TRIM43B: variants seen among roughly 807,000 people sequenced by gnomAD.
The protein encoded by TRIM43B is tripartite motif containing 43B.
A neutral mutation model predicts 27.0 loss-of-function variants in TRIM43B; 15 were observed. The observed-to-expected ratio is 0.55, with a 90% CI of 0.37 to 0.85. The LOEUF (loss-of-function observed/expected upper bound fraction) is 0.85, where lower values mean the gene tolerates loss of function less well. Among genes scored for constraint, TRIM43B ranks in the 40% least tolerant of loss-of-function variants. The pLI is 0.00. For missense variants in TRIM43B, 172 were observed against 289.8 expected (o/e 0.59, Z 2.95); for synonymous variants, 69 against 97.8 (o/e 0.71, Z 1.74).
rs370477305 is a variant in TRIM43B, at chr2:95,480,330, T to C, written c.713A>G (p.His238Arg). The change falls in exon 4 of 7, where the codon CAT (histidine) becomes CGT (arginine). Residue 238 changes from histidine (H) to arginine (R), a missense_variant. This residue lies in a region of TRIM43B where 31 missense variants were observed against 72.7 expected (regional missense o/e 0.43). Transcript: ENST00000639673. Reference sequence around the variant, plus strand: ...CTGGAGCAGCTCCACCTCTGGTTTATGACACATTTCCATTAGTTCCTGATA... The same window carrying C: ...CTGGAGCAGCTCCACCTCTGGTTTACGACACATTTCCATTAGTTCCTGATA... The C allele has an allele frequency of 3.5e-5, 56 of 1,609,432 alleles. 2 individuals are homozygous for C. The African/African-American group carries it at 6.6e-4, about 19-fold the overall frequency.
At chr2:95,481,252 C>A (rs532805649) in intron 3 of TRIM43B, among the ~76,000 whole-genome samples, 15 of 152,160 alleles carry the variant, frequency 9.9e-5, no homozygotes, top group Non-Finnish European at 1.6e-4. Context: ...CGATTTCTTC[C>A]CCCGGACAAT....
At chr2:95,482,544 T>G in exon 2 of TRIM43B, 1 of 1,611,888 alleles carries the variant, frequency 6.2e-7, no homozygotes. Context: ...TCGGTGATGG[T>G]TCCCTGCATG....
chr2:95,481,500 C>A (rs1662738804), intron 3 of TRIM43B, 95 bp downstream of exon 3: 2 of 932,770 alleles, frequency 2.1e-6, no homozygotes, highest in Non-Finnish European at 3.1e-6. Flanking sequence ...ATGACAAAAT[C>A]TGGCATATGA....
At chr2:95,484,475 CT>C in intron 1 of TRIM43B, 130 bp downstream of exon 1, 1 of 151,574 alleles carries the variant, frequency 6.6e-6, no homozygotes, top group Admixed American at 6.6e-5. Context: ...GAAATGGAGC[CT>C]TTTTAAAACT....
intron 1 of TRIM43B, among the ~76,000 whole-genome samples, chr2:95,483,540 C>T (rs1683575739): frequency 6.6e-6 from 1 of 151,716 alleles, no homozygotes; most frequent in Non-Finnish European, 1.5e-5. Context: ...CACTAGAGGC[C>T]GGGCACGGTG....
At chr2:95,482,594 G>C (rs1439489276) in exon 2 of TRIM43B, 3 of 1,613,392 alleles carry the variant, frequency 1.9e-6, no homozygotes, top group Non-Finnish European at 2.5e-6. Context: ...TCCCACGAAA[G>C]GCAGAGACAG....
chr2:95,484,124 A>G (rs1472254956), intron 1 of TRIM43B, among the ~76,000 whole-genome samples: 2 of 151,128 alleles, frequency 1.3e-5, no homozygotes, highest in Non-Finnish European at 2.9e-5. Context: ...TAATCCCAAC[A>G]CTTTCAGAGG....
intron 1 of TRIM43B, 128 bp from the exon 2 acceptor site, chr2:95,482,846 A>T: frequency 6.7e-7 from 1 of 1,500,342 alleles, no homozygotes; most frequent in African/African-American, 1.4e-5. Flanking sequence ...TTAATTTGCA[A>T]TGACAGAAAT....
At chr2:95,484,145 C>T (rs1683595607) in intron 1 of TRIM43B, among the ~76,000 whole-genome samples, 2 of 149,592 alleles carry the variant, frequency 1.3e-5, no homozygotes, top group African/African-American at 4.9e-5. Context: ...CCGAGGTGAA[C>T]GGATCACAAG....
At chr2:95,484,085 A>AG (rs1683591728) in intron 1 of TRIM43B, among the ~76,000 whole-genome samples, 1 of 150,132 alleles carries the variant, frequency 6.7e-6, no homozygotes, top group Admixed American at 6.6e-5. Flanking sequence ...AAAAAAAAAA[A>AG]AAAGGCCGGG....
In TRIM43B at chr2:95,481,709, T is replaced by A; in HGVS notation, c.412-19A>T. 6.2e-7 allele frequency: 1 copy of A among 1,608,178 alleles called. No individual in the cohort carries two copies. Among genetic ancestry groups the A allele is most frequent in the South Asian group, 1.1e-5 (1 of 89,594 alleles). Reference sequence around the variant, plus strand: ...GTTTCTCCTGCAAAAGAATTAAAGGTTGAACAGAAAGTCAAATACCAAAGA... The same window carrying A: ...GTTTCTCCTGCAAAAGAATTAAAGGATGAACAGAAAGTCAAATACCAAAGA... On this transcript the variant is annotated intron_variant, in intron 2 of 6. Transcript: ENST00000639673.
At position 95,481,592 on chromosome 2, in the gene TRIM43B, T is replaced by G; in HGVS notation, c.507+3A>C. On this transcript the variant is annotated splice_donor_region_variant and intron_variant, in intron 3 of 6. Transcript: ENST00000639673. ...TCAGGAGGACTCACGGTCTCATACT[T>G]ACCCTCAAGAGGAAGGCTGTTCTTC... The G allele has an allele frequency of 6.2e-7, 1 of 1,610,522 alleles. No individual in the cohort carries two copies. Among genetic ancestry groups the G allele is most frequent in the South Asian group, 1.1e-5 (1 of 90,278 alleles).
Position 95,484,068 on chromosome 2 carries a change from T to TAA in TRIM43B, c.-5+536_-5+537dup, listed in dbSNP as rs33962775. ...GTCTCTAAAAATACTTATATAAATT[T>TAA]AAAAAAAAAAAAAAAAAAAAGGCCG... On this transcript the variant is annotated intron_variant, in intron 1 of 6. Coordinates refer to ENST00000639673, the Ensembl canonical transcript of TRIM43B. 4.4e-3 allele frequency among the ~76,000 whole-genome samples: 473 copies of TAA among 108,374 alleles called. 4 individuals are homozygous for TAA. The highest frequency in any genetic ancestry group is 0.039 in the East Asian group (145 of 3,708). The allele number at this position is 108,374 out of a possible 152,430, so 71.1% of individuals were successfully genotyped here.
chr2:95,483,961 C>A (rs1318706861), intron 1 of TRIM43B, among the ~76,000 whole-genome samples: 2 of 150,990 alleles, frequency 1.3e-5, no homozygotes, highest in African/African-American at 4.9e-5. Context: ...GTAATCCCAG[C>A]ATTTTGGGAG....
In TRIM43B at chr2:95,482,735, A is replaced by T. The variant is rs780123167; in HGVS notation, c.-4-17T>A. On this transcript the variant is annotated splice_polypyrimidine_tract_variant and intron_variant, in intron 1 of 6. Coordinates refer to ENST00000639673, the Ensembl canonical transcript of TRIM43B. Reference sequence around the variant, plus strand: ...TCCATTTTCCTAAGGAAAGAAAACCACAGGAATTTAATCTTCTACCCTGGA... The same window carrying T: ...TCCATTTTCCTAAGGAAAGAAAACCTCAGGAATTTAATCTTCTACCCTGGA... 4.4e-6 allele frequency: 7 copies of T among 1,576,350 alleles called. No individual in the cohort carries two copies. The highest frequency in any genetic ancestry group is 5.1e-6 in the Non-Finnish European group (6 of 1,165,870).
At chr2:95,482,413 T>C in exon 2 of TRIM43B, 6 of 1,603,758 alleles carry the variant, frequency 3.7e-6, no homozygotes, top group Non-Finnish European at 4.3e-6. Context: ...ACAGAACATC[T>C]TCTTTGTTTG....
At chr2:95,483,833 C>G (rs199861244) in intron 1 of TRIM43B, among the ~76,000 whole-genome samples, 4 of 151,312 alleles carry the variant, frequency 2.6e-5, no homozygotes, top group Non-Finnish European at 5.9e-5. Flanking sequence ...GTCTCCCCCC[C>G]AAAACAAAAA....
At chr2:95,482,378 A>G (rs1452918914) in exon 2 of TRIM43B, 2 of 1,606,422 alleles carry the variant, frequency 1.2e-6, no homozygotes, top group Non-Finnish European at 1.7e-6. Flanking sequence ...GAGCACAGCA[A>G]GCAGAGGAGA....
intron 1 of TRIM43B, 83 bp downstream of exon 1, chr2:95,484,523 G>A (rs1443702184): frequency 6.6e-6 from 1 of 152,050 alleles, no homozygotes; most frequent in East Asian, 1.9e-4. Flanking sequence ...AATAATCTAA[G>A]TTTGCAGATA....
Sources: allele counts gnomAD v4.1 joint callset (sites outside exome capture counted in the v4.1 genomes callset), GRCh38; gene constraint gnomAD v4.1.1; regional missense constraint gnomAD v4.1.1; transcripts MANE v1.5; gene names NCBI Gene and HGNC (gene_info 2026-07-23, HGNC 2026-07-21).